Variants in OSGEP observed in about 807,000 individuals in gnomAD.
The protein encoded by OSGEP is tRNA N6-adenosine threonylcarbamoyltransferase.
In OSGEP, 39 loss-of-function variants were observed where a neutral mutation model predicts 44.1. The observed-to-expected ratio is 0.88, with a 90% confidence interval of 0.69 to 1.16. The LOEUF (loss-of-function observed/expected upper bound fraction) is 1.16. Ranked by LOEUF, OSGEP falls within the 50% of genes most tolerant of loss-of-function variation. The pLI is 0.00. For synonymous variants in OSGEP, 139 were observed against 161.9 expected (o/e 0.86, Z 1.07); for missense variants, 403 against 443.1 (o/e 0.91, Z 0.81).
intron 8 of OSGEP, 99 bp downstream of exon 8, chr14:20,447,805 T>C (rs535989293): frequency 3.3e-6 from 4 of 1,220,848 alleles, no homozygotes; most frequent in African/African-American, 3.0e-5. Flanking sequence ...GGGGCAAGGA[T>C]TGGGAAGCCT....
intron 1 of OSGEP, 120 bp downstream of exon 1, chr14:20,454,449 G>C: frequency 1.3e-6 from 1 of 797,690 alleles, no homozygotes; most frequent in Non-Finnish European, 2.3e-6. Context: ...CGTTAATAAT[G>C]TCACATAATT....
Position 20,448,130 on chromosome 14 carries a change from A to T in OSGEP, c.678T>A (p.Pro226=). Residue 226 remains proline (P), a synonymous_variant, in exon 7 of 11, where the codon CCT becomes CCA. Coordinates refer to ENST00000206542, the MANE Select transcript of OSGEP (RefSeq NM_017807.4). The part of the protein sequence containing the change: ...HRMLATGECT[P]EDLCFSLQET... ...CCTGCAGGGAGAAACACAGATCCTC[A>T]GGAGTACACTCGCCTGTGGCCAGCA... The T allele has an allele frequency of 6.2e-7, 1 of 1,613,738 alleles. No homozygotes were observed. Among genetic ancestry groups the T allele is most frequent in the Non-Finnish European group, 8.5e-7 (1 of 1,179,558 alleles).
chr14:20,449,106 T>A, intron 4 of OSGEP, 65 bp downstream of exon 4: 1 of 1,491,042 alleles, frequency 6.7e-7, no homozygotes, highest in Non-Finnish European at 9.4e-7. Flanking sequence ...ATTTCCTCCC[T>A]CCACCTCCAT....
chr14:20,452,582 C>A, intron 1 of OSGEP, 134 bp from the exon 2 acceptor site: 2 of 778,250 alleles, frequency 2.6e-6, no homozygotes, highest in Non-Finnish European at 4.1e-6. Flanking sequence ...CTATCTTCCA[C>A]ATTTTCACAT....
chr14:20,447,645 C>A lies in OSGEP; in HGVS notation c.839G>T (p.Arg280Leu), dbSNP rs144732839. ...QEMMATMCQE[R>L]GARLFATDER... ...ATCTGTAGCAAAAAGCCGGGCTCCA[C>A]GTTCCTGGCACATTGTTGCCATCAT... Residue 280 changes from arginine to leucine, a missense_variant, in exon 9 of 11, where the codon CGT (arginine) becomes CTT (leucine). Physicochemically the swap from Arg to Leu is moderately radical, Grantham distance 102. Transcript: ENST00000206542. 4 of 1,614,066 alleles carry A rather than the reference C, an allele frequency of 2.5e-6. No homozygotes were observed.
rs532342844 is a variant in OSGEP, at chr14:20,454,785, G to A, written c.-102C>T. ...GGGCCGCAGCTTTCCGGAGCGCAGAGGAAGCTGGCCAGCCTGCAGATAGCA... is the reference window on the plus strand; with the variant it reads ...GGGCCGCAGCTTTCCGGAGCGCAGAAGAAGCTGGCCAGCCTGCAGATAGCA... On this transcript the variant is annotated 5_prime_UTR_variant, in exon 1 of 11. Transcript: ENST00000206542. The A allele has an allele frequency of 6.1e-4, 508 of 837,926 alleles. No homozygotes were observed. The highest frequency in any genetic ancestry group is 3.2e-3 in the Middle Eastern group (10 of 3,156). The allele number at this position is 837,926 out of a possible 1,614,324, so 51.9% of individuals were successfully genotyped here.
At chr14:20,448,048 GC>G (rs1881001202) in intron 7 of OSGEP, 54 bp from the exon 8 acceptor site, 1 of 1,584,066 alleles carries the variant, frequency 6.3e-7, no homozygotes, top group Admixed American at 1.7e-5. Flanking sequence ...GATTAGTTCT[GC>G]TCTACAATAT....
At position 20,452,393 on chromosome 14, in the gene OSGEP, C is replaced by T. The variant is rs754809918; in HGVS notation, c.171G>A (p.Leu57=). The change falls in exon 2 of 11, where the codon CTG becomes CTA. Residue 57 remains leucine, a synonymous_variant. Coordinates refer to ENST00000206542, the MANE Select transcript of OSGEP (RefSeq NM_017807.4). The part of the protein sequence containing the change: ...RHHRAVILDL[L]QEALTESGLT... Reference sequence around the variant, plus strand: ...ATCCAGACTCTGTTAGTGCCTCCTGCAGCAGGTCTAGGATAACAGCTCGGT... The same window carrying T: ...ATCCAGACTCTGTTAGTGCCTCCTGTAGCAGGTCTAGGATAACAGCTCGGT... 8.1e-6 allele frequency: 13 copies of T among 1,613,722 alleles called. No individual in the cohort carries two copies. The South Asian group carries it at 1.4e-4, about 18-fold the overall frequency.
At chr14:20,447,374 T>C in intron 10 of OSGEP, 48 bp downstream of exon 10, 1 of 1,604,220 alleles carries the variant, frequency 6.2e-7, no homozygotes, top group Non-Finnish European at 8.5e-7. Flanking sequence ...CCTGCTGTTT[T>C]TGTCTATGTC....
chr14:20,447,357 A>C (rs1880972916), intron 10 of OSGEP, 65 bp downstream of exon 10: 1 of 1,600,882 alleles, frequency 6.2e-7, no homozygotes, highest in African/African-American at 1.3e-5. Context: ...ATGTTCCTGG[A>C]CTCTTCCCTG....
intron 3 of OSGEP, 101 bp from the exon 4 acceptor site, chr14:20,449,367 T>G: frequency 1.3e-6 from 1 of 749,500 alleles, no homozygotes; most frequent in South Asian, 1.5e-5. Context: ...CCACCAGGGC[T>G]TCCAATAAGA....
intron 3 of OSGEP, chr14:20,450,797 C>T: frequency 6.6e-6 from 1 of 152,202 alleles, no homozygotes; most frequent in East Asian, 1.9e-4. Flanking sequence ...ACCCAAACAA[C>T]TTTAGCTTCA....
chr14:20,449,357 C>T (rs922054149), intron 3 of OSGEP, 91 bp from the exon 4 acceptor site: 41 of 779,354 alleles, frequency 5.3e-5, no homozygotes, highest in Middle Eastern at 2.2e-4. Context: ...ATCAACATGA[C>T]CACCAGGGCT....
In OSGEP at chr14:20,448,129, C is replaced by T. The variant is rs1256851937; in HGVS notation, c.679G>A (p.Glu227Lys). 6.2e-7 allele frequency: 1 copy of T among 1,613,630 alleles called. No individual in the cohort carries two copies. The highest frequency in any genetic ancestry group is 8.5e-7 in the Non-Finnish European group (1 of 1,179,630). The change falls in exon 7 of 11, where the codon GAG becomes AAG. Residue 227 changes from glutamate to lysine, a missense_variant. By Grantham distance (56) the Glu-to-Lys change is moderately conservative. Coordinates refer to ENST00000206542, the MANE Select transcript of OSGEP (RefSeq NM_017807.4). Reference sequence around the variant, plus strand: ...ACCTGCAGGGAGAAACACAGATCCTCAGGAGTACACTCGCCTGTGGCCAGC... The same window carrying T: ...ACCTGCAGGGAGAAACACAGATCCTTAGGAGTACACTCGCCTGTGGCCAGC... ...RMLATGECTPEDLCFSLQETV... is the reference protein window; with the variant it reads ...RMLATGECTPKDLCFSLQETV...
Position 20,454,059 on chromosome 14 carries a change from A to G in OSGEP, c.115+510T>C, listed in dbSNP as rs891929670. Among the ~76,000 whole-genome samples, 6 of 152,310 alleles carry G rather than the reference A, an allele frequency of 3.9e-5. No individual in the cohort carries two copies. In the East Asian group the frequency reaches 1.2e-3, roughly 29 times the overall value. ...AATAAAAAATAAAGACCAAATGTCC[A>G]AAACAAAAATATTTAATATGAATAT... On this transcript the variant is annotated intron_variant, in intron 1 of 10. Coordinates refer to ENST00000206542, the MANE Select transcript of OSGEP (RefSeq NM_017807.4).
Position 20,446,980 on chromosome 14 carries a change from C to A in OSGEP, c.*260G>T. The A allele has an allele frequency of 2.3e-6, 1 of 428,010 alleles. No homozygotes were observed. Among genetic ancestry groups the A allele is most frequent in the Non-Finnish European group, 4.1e-6 (1 of 241,430 alleles). The allele number at this position is 428,010 out of a possible 1,614,324, so 26.5% of individuals were successfully genotyped here. On this transcript the variant is annotated 3_prime_UTR_variant, in exon 11 of 11. Coordinates refer to ENST00000206542, the MANE Select transcript of OSGEP (RefSeq NM_017807.4). ...AAAAGATACCTCATTCTTGGTTCCA[C>A]AGCAGCAAGCTCCAACAAGAATTTA...
intron 9 of OSGEP, 28 bp from the exon 10 acceptor site, chr14:20,447,548 G>T (rs757763798): frequency 1.2e-6 from 2 of 1,609,762 alleles, no homozygotes; most frequent in South Asian, 2.2e-5. Flanking sequence ...TGAAAATTGG[G>T]ATCTAAGGGT....
At chr14:20,453,745 C>G (rs931129852) in intron 1 of OSGEP, among the ~76,000 whole-genome samples, 7 of 152,104 alleles carry the variant, frequency 4.6e-5, no homozygotes, top group African/African-American at 1.7e-4. Flanking sequence ...AGACCAGGCC[C>G]GAGCGGTGGC....
chr14:20,449,117 G>A (rs1881031528), intron 4 of OSGEP, 54 bp downstream of exon 4: 1 of 1,512,080 alleles, frequency 6.6e-7, no homozygotes, highest in South Asian at 1.1e-5. Flanking sequence ...CCACCTCCAT[G>A]GCTTCCCAAA....
Sources: gnomAD v4.1 joint callset for allele counts (sites outside exome capture counted in the v4.1 genomes callset) on GRCh38, gnomAD v4.1.1 for gene constraint, MANE v1.5 for transcripts, NCBI Gene and HGNC (gene_info 2026-07-23, HGNC 2026-07-21) for gene names.